Variants in GSTCD observed in about 807,000 individuals in gnomAD.
GSTCD encodes the protein glutathione S-transferase C-terminal domain-containing protein.
A neutral mutation model predicts 68.3 loss-of-function variants in GSTCD; 44 were observed. That is an observed-to-expected ratio of 0.64 (90% CI 0.51 to 0.83). The LOEUF (loss-of-function observed/expected upper bound fraction) is 0.83, where lower values mean the gene tolerates loss of function less well. Among genes scored for constraint, GSTCD ranks in the 40% least tolerant of loss-of-function variants. The probability of loss-of-function intolerance (pLI) is 0.00; values close to 1 mark genes in which losing one functional copy is unlikely to be tolerated. For synonymous variants in GSTCD, 273 were observed against 255.2 expected, an observed-to-expected ratio of 1.07 and a Z score of -0.67; for missense variants, 739 against 735.9, an observed-to-expected ratio of 1.00 and a Z score of -0.05.
At chr4:105,731,110 A>T (rs1478280205) in intron 5 of GSTCD, among the ~76,000 whole-genome samples, 4 of 152,192 alleles carry the variant, frequency 2.6e-5, no homozygotes, top group African/African-American at 9.7e-5. Flanking sequence ...TGGTACCAGT[A>T]CCATGCTGTT....
At chr4:105,717,137 C>T (rs1367754633) in intron 1 of GSTCD, among the ~76,000 whole-genome samples, 1 of 152,142 alleles carries the variant, frequency 6.6e-6, no homozygotes. Flanking sequence ...TCCACTTCTC[C>T]TGAAAGAACG....
At chr4:105,802,409 T>C (rs1245211120) in intron 5 of GSTCD, among the ~76,000 whole-genome samples, 1 of 152,144 alleles carries the variant, frequency 6.6e-6, no homozygotes, top group African/African-American at 2.4e-5. Context: ...GTGTTCTGTC[T>C]GATCAAAACC....
chr4:105,836,899 T>C (rs72673858), intron 9 of GSTCD, among the ~76,000 whole-genome samples: 8,272 of 152,278 alleles, frequency 0.054, 256 homozygotes, highest in Middle Eastern at 0.13. Flanking sequence ...ACTGTTTCTA[T>C]AGTACGTGGA....
In GSTCD at chr4:105,785,833, G is replaced by C. The variant is rs908026062; in HGVS notation, c.1241-37121G>C. Among the ~76,000 whole-genome samples, 6 of 152,200 alleles carry C rather than the reference G, an allele frequency of 3.9e-5. No individual in the cohort carries two copies. The East Asian group carries it at 1.2e-3, about 29-fold the overall frequency. On this transcript the variant is annotated intron_variant, in intron 5 of 11. Transcript: ENST00000515279. Reference sequence around the variant, plus strand: ...AACTATCTCTATTTGCAGATAACATGATCTTCTATACAGAAAATCCTAAGA... The same window carrying C: ...AACTATCTCTATTTGCAGATAACATCATCTTCTATACAGAAAATCCTAAGA...
At chr4:105,825,952 G>T (rs1723583400) in intron 8 of GSTCD, 152 bp downstream of exon 8, 1 of 442,426 alleles carries the variant, frequency 2.3e-6, no homozygotes, top group Non-Finnish European at 4.1e-6. Context: ...GCATATTAAT[G>T]AATATTATTA....
chr4:105,824,279 G>C (rs1409307766), intron 7 of GSTCD, among the ~76,000 whole-genome samples: 2 of 152,124 alleles, frequency 1.3e-5, no homozygotes, highest in African/African-American at 4.8e-5. Flanking sequence ...TGGGAGAAGA[G>C]GCAGTTGTTT....
intron 8 of GSTCD, among the ~76,000 whole-genome samples, chr4:105,831,491 A>G (rs1723893701): frequency 6.6e-6 from 1 of 152,208 alleles, no homozygotes; most frequent in Non-Finnish European, 1.5e-5. Context: ...AGACACATTG[A>G]GATTAAATCT....
intron 1 of GSTCD, among the ~76,000 whole-genome samples, chr4:105,709,644 G>A (rs1250511573): frequency 6.6e-6 from 1 of 152,078 alleles, no homozygotes; most frequent in East Asian, 1.9e-4. Context: ...CCTGGTTTTG[G>A]GATGAGATGA....
At chr4:105,824,400 T>C (rs1723480877) in intron 7 of GSTCD, among the ~76,000 whole-genome samples, 1 of 152,134 alleles carries the variant, frequency 6.6e-6, no homozygotes, top group South Asian at 2.1e-4. Context: ...TCTTCCCTTA[T>C]TAATATTTCT....
intron 5 of GSTCD, among the ~76,000 whole-genome samples, chr4:105,740,108 C>G (rs906314708): frequency 4.6e-5 from 7 of 151,998 alleles, no homozygotes; most frequent in Non-Finnish European, 1.0e-4. Context: ...AGCAACACTC[C>G]AACATTAGTT....
chr4:105,772,257 G>A (rs1734879047), intron 5 of GSTCD, among the ~76,000 whole-genome samples: 1 of 152,028 alleles, frequency 6.6e-6, no homozygotes, highest in Non-Finnish European at 1.5e-5. Flanking sequence ...AAGGAGTTTT[G>A]GGGCTAAGAC....
intron 8 of GSTCD, among the ~76,000 whole-genome samples, chr4:105,831,465 A>C (rs1278601405): frequency 6.6e-6 from 1 of 152,164 alleles, no homozygotes; most frequent in African/African-American, 2.4e-5. Context: ...TAAAAAAAGA[A>C]GTTTGGTTTG....
At chr4:105,747,585 T>G (rs765964809) in intron 5 of GSTCD, among the ~76,000 whole-genome samples, 15 of 152,208 alleles carry the variant, frequency 9.9e-5, no homozygotes, top group Admixed American at 2.0e-4. Flanking sequence ...CTTTAAAACT[T>G]AATTCTTTTT....
intron 5 of GSTCD, among the ~76,000 whole-genome samples, chr4:105,741,735 C>T (rs1209041039): frequency 2.6e-5 from 4 of 152,006 alleles, no homozygotes; most frequent in African/African-American, 9.7e-5. Flanking sequence ...TTACTCATTA[C>T]ATCCCTATAA....
intron 9 of GSTCD, among the ~76,000 whole-genome samples, chr4:105,835,178 G>A (rs538626279): frequency 1.3e-5 from 2 of 152,298 alleles, no homozygotes; most frequent in Admixed American, 1.3e-4. Flanking sequence ...CAGGATCCTT[G>A]GGGCGTCGCT....
At chr4:105,728,427 CAG>C (rs1302346824) in intron 4 of GSTCD, among the ~76,000 whole-genome samples, 15 of 152,026 alleles carry the variant, frequency 9.9e-5, no homozygotes, top group Admixed American at 9.8e-4. Flanking sequence ...TAGATGATGT[CAG>C]AGAGATGTGT....
chr4:105,719,579 T>G, intron 3 of GSTCD, 52 bp downstream of exon 3: 1 of 1,309,988 alleles, frequency 7.6e-7, no homozygotes, highest in Non-Finnish European at 1.1e-6. Flanking sequence ...GTCTATGAAA[T>G]TGCCTAGGTT....
At chr4:105,739,405 A>G (rs192931580) in intron 5 of GSTCD, among the ~76,000 whole-genome samples, 19 of 152,140 alleles carry the variant, frequency 1.2e-4, no homozygotes, top group East Asian at 7.7e-4. Flanking sequence ...CTCCTCTTCA[A>G]TTTTCTGGAA....
At chr4:105,752,741 A>T (rs1734050006) in intron 5 of GSTCD, among the ~76,000 whole-genome samples, 1 of 152,114 alleles carries the variant, frequency 6.6e-6, no homozygotes, top group South Asian at 2.1e-4. Flanking sequence ...TTTACTAGTA[A>T]GAAACTTCAA....
Sources: gnomAD v4.1 joint callset for allele counts (sites outside exome capture counted in the v4.1 genomes callset) on GRCh38, gnomAD v4.1.1 for gene constraint, MANE v1.5 for transcripts, NCBI Gene and HGNC (gene_info 2026-07-23, HGNC 2026-07-21) for gene names.